DARS2: variants seen among roughly 807,000 people sequenced by gnomAD.
The protein encoded by DARS2 is aspartate--tRNA ligase, mitochondrial.
Under a neutral mutation model 83.0 loss-of-function variants are expected in DARS2, and 63 were observed. That is an observed-to-expected ratio of 0.76 (90% confidence interval 0.62 to 0.94). The LOEUF (loss-of-function observed/expected upper bound fraction) is 0.94. Among genes scored for constraint, DARS2 ranks in the 40% least tolerant of loss-of-function variants. DARS2 has a pLI of 0.00. For missense variants in DARS2, 675 were observed against 774.4 expected (o/e 0.87, Z 1.52); for synonymous variants, 250 against 269.3 (o/e 0.93, Z 0.70).
chr1:173,843,911 C>G (rs2102652386), intron 11 of DARS2, among the ~76,000 whole-genome samples: 1 of 152,256 alleles, frequency 6.6e-6, no homozygotes, highest in South Asian at 2.1e-4. Flanking sequence ...CAGAGTATAG[C>G]CAGTCACAGC....
chr1:173,833,482 A>C lies in DARS2; in HGVS notation c.599A>C (p.Tyr200Ser), dbSNP rs1652869625. 6.2e-7 allele frequency: 1 copy of C among 1,614,156 alleles called. No homozygotes were observed. The highest frequency in any genetic ancestry group is 8.5e-7 in the Non-Finnish European group (1 of 1,180,018). Residue 200 changes from tyrosine to serine, a missense_variant, in exon 6 of 17, where the codon TAT becomes TCT. Physicochemically the swap from Tyr to Ser is moderately radical, Grantham distance 144. Coordinates refer to ENST00000649689, the MANE Select transcript of DARS2 (RefSeq NM_018122.5). The part of the protein sequence containing the change: ...RSQMVMKMRE[Y>S]LCNLHGFVDI... The stretch of plus-strand genomic sequence containing the variant: ...CAGATGGTCATGAAAATGCGGGAAT[A>C]TCTCTGTAATCTGCATGGTAAGAGA...
intron 13 of DARS2, among the ~76,000 whole-genome samples, chr1:173,850,855 G>A (rs952585150): frequency 2.0e-5 from 3 of 151,738 alleles, no homozygotes; most frequent in African/African-American, 4.8e-5. Flanking sequence ...TCCACCCGCC[G>A]CAGCCTCCTG....
intron 11 of DARS2, among the ~76,000 whole-genome samples, chr1:173,844,633 G>A (rs2102653016): frequency 9.1e-6 from 1 of 110,112 alleles, no homozygotes; most frequent in African/African-American, 3.5e-5. Context: ...TCACGCCACT[G>A]TACTCCAGCC....
chr1:173,832,928 G>T (rs1046716816), intron 5 of DARS2, among the ~76,000 whole-genome samples: 1 of 152,096 alleles, frequency 6.6e-6, no homozygotes, highest in Admixed American at 6.6e-5. Flanking sequence ...AGGAGATGGG[G>T]TCTTGCTATA....
rs1315071821 is a variant in DARS2 at position 173,836,923 on chromosome 1, TTCTC to T, written c.664-11_664-8del. On this transcript the variant is annotated splice_polypyrimidine_tract_variant and intron_variant, in intron 7 of 16. Coordinates refer to ENST00000649689, the MANE Select transcript of DARS2 (RefSeq NM_018122.5). ...TTTTAATAATCTGTCTTCTCTCTCT[TTCTC>T]TCTCTTTGAAAGGGTGCCAAAGAGT... 3 of 1,603,556 alleles carry T rather than the reference TTCTC, an allele frequency of 1.9e-6. No homozygotes were observed. The highest frequency in any genetic ancestry group is 1.7e-4 in the Middle Eastern group (1 of 6,056).
At chr1:173,839,072 T>G (rs1653112907) in intron 9 of DARS2, among the ~76,000 whole-genome samples, 1 of 152,170 alleles carries the variant, frequency 6.6e-6, no homozygotes, top group South Asian at 2.1e-4. Flanking sequence ...GAAAAAATTA[T>G]GAGCTTTGGA....
chr1:173,835,377 C>A (rs1282208749), intron 7 of DARS2, among the ~76,000 whole-genome samples: 2 of 150,742 alleles, frequency 1.3e-5, no homozygotes, highest in Admixed American at 6.6e-5. Context: ...AGGCGTGAGC[C>A]ACCGCGCCCA....
chr1:173,827,597 C>T (rs1292976417), intron 2 of DARS2, among the ~76,000 whole-genome samples: 1 of 152,040 alleles, frequency 6.6e-6, no homozygotes, highest in African/African-American at 2.4e-5. Context: ...CGCCACTGCA[C>T]TCCACTCTGG....
intron 10 of DARS2, among the ~76,000 whole-genome samples, chr1:173,840,071 A>C (rs1015432014): frequency 6.6e-6 from 1 of 152,208 alleles, no homozygotes; most frequent in African/African-American, 2.4e-5. Context: ...TCTATATCTC[A>C]GTTCTCAGTG....
chr1:173,855,144 C>A (rs1653813427), intron 15 of DARS2, among the ~76,000 whole-genome samples: 1 of 151,490 alleles, frequency 6.6e-6, no homozygotes, highest in Admixed American at 6.6e-5. Flanking sequence ...TGCTCTGTCG[C>A]CCAGGCTGGA....
chr1:173,847,519 AT>A, intron 12 of DARS2, among the ~76,000 whole-genome samples: 1 of 152,010 alleles, frequency 6.6e-6, no homozygotes, highest in South Asian at 2.1e-4. Context: ...TACTACTACT[AT>A]TTTTTATGAG....
In DARS2 at chr1:173,858,190, G is replaced by A. The variant is rs1653925035; in HGVS notation, c.*485G>A. 5.8e-6 allele frequency: 1 copy of A among 173,046 alleles called. No homozygotes were observed. The highest frequency in any genetic ancestry group is 1.3e-4 in the South Asian group (1 of 7,554). 10.7% of individuals were successfully genotyped at this position (173,046 alleles called of 1,614,324 possible). Reference sequence around the variant, plus strand: ...ATTTCAACCATCAACATAATATAGTGAGGAGTAGCATAATATTTTTTAATA... The same window carrying A: ...ATTTCAACCATCAACATAATATAGTAAGGAGTAGCATAATATTTTTTAATA... On this transcript the variant is annotated 3_prime_UTR_variant, in exon 17 of 17. Coordinates refer to ENST00000649689, the MANE Select transcript of DARS2 (RefSeq NM_018122.5).
In DARS2 at chr1:173,853,412, C is replaced by T. The variant is rs1379100384; in HGVS notation, c.1408C>T (p.Leu470Phe). Residue 470 changes from leucine to phenylalanine, a missense_variant, in exon 14 of 17, where the codon CTC becomes TTC. Physicochemically the swap from Leu to Phe is conservative, Grantham distance 22. Transcript: ENST00000649689. Reference protein sequence around the residue: ...ADLLETRGVVLRDPTLFSFLW... With the variant: ...ADLLETRGVVFRDPTLFSFLW... ...CCTTCTAGAAACAAGAGGAGTGGTGCTCCGTGACCCCACTCTGTTCTCTTT... is the reference window on the plus strand; with the variant it reads ...CCTTCTAGAAACAAGAGGAGTGGTGTTCCGTGACCCCACTCTGTTCTCTTT... 6 of 1,613,920 alleles carry T rather than the reference C, an allele frequency of 3.7e-6. No homozygotes were observed. The African/African-American group carries it at 8.0e-5, about 22-fold the overall frequency.
Position 173,828,319 on chromosome 1 carries a change from C to A in DARS2, c.228-14C>A, listed in dbSNP as rs376561321. The A allele has an allele frequency of 1.3e-5, 17 of 1,353,116 alleles. No individual in the cohort carries two copies. Among genetic ancestry groups the A allele is most frequent in the South Asian group, 2.3e-5 (2 of 85,552 alleles). 83.8% of individuals were successfully genotyped at this position (1,353,116 alleles called of 1,614,324 possible). A position where few individuals can be genotyped will look rare whatever the true frequency, so the allele number is the denominator to read the frequency against. ...TATCTTAAAATGTTTCTTTTCCCCC[C>A]CCCCATTAATCAGGCAAAACACATT... On this transcript the variant is annotated splice_polypyrimidine_tract_variant and intron_variant, in intron 2 of 16. Coordinates refer to ENST00000649689, the MANE Select transcript of DARS2 (RefSeq NM_018122.5).
chr1:173,836,394 G>A (rs1376751628), intron 7 of DARS2, among the ~76,000 whole-genome samples: 1 of 151,326 alleles, frequency 6.6e-6, no homozygotes, highest in Non-Finnish European at 1.5e-5. Flanking sequence ...ACAAAAATTA[G>A]CGGGGCATGG....
chr1:173,833,983 A>G, intron 6 of DARS2, among the ~76,000 whole-genome samples: 1 of 152,056 alleles, frequency 6.6e-6, no homozygotes, highest in East Asian at 1.9e-4. Context: ...GCTGGTCTCA[A>G]ACTTCTGGGT....
At chr1:173,853,655 C>G (rs1219066849) in intron 14 of DARS2, 88 bp downstream of exon 14, 1 of 1,541,978 alleles carries the variant, frequency 6.5e-7, no homozygotes, top group African/African-American at 1.4e-5. Context: ...AAGATAGGAC[C>G]CAGTTCTGGA....
At chr1:173,836,792 C>T in intron 7 of DARS2, 148 bp from the exon 8 acceptor site, 1 of 704,688 alleles carries the variant, frequency 1.4e-6, no homozygotes, top group East Asian at 2.6e-5. Flanking sequence ...CAAAGATAAG[C>T]AGGAAATTGT....
At chr1:173,850,597 G>C in intron 13 of DARS2, 118 bp downstream of exon 13, 1 of 1,056,700 alleles carries the variant, frequency 9.5e-7, no homozygotes, top group Non-Finnish European at 1.3e-6. Context: ...GAGCTGCTCT[G>C]CATAAATCTT....
Sources: allele counts gnomAD v4.1 joint callset (sites outside exome capture counted in the v4.1 genomes callset), GRCh38; gene constraint gnomAD v4.1.1; transcripts MANE v1.5; gene names NCBI Gene and HGNC (gene_info 2026-07-23, HGNC 2026-07-21).